Variants in AKT3 observed in about 807,000 individuals in gnomAD.
The protein encoded by AKT3 is RAC-gamma serine/threonine-protein kinase.
Under a neutral mutation model 65.3 loss-of-function variants are expected in AKT3, and 15 were observed. The ratio of observed to expected loss-of-function variants is 0.23; its 90% CI spans 0.15 to 0.35. The LOEUF (loss-of-function observed/expected upper bound fraction) is 0.35, where lower values mean the gene tolerates loss of function less well. Ranked by LOEUF, AKT3 falls within the 10% of genes least tolerant of loss-of-function variation. The probability of loss-of-function intolerance (pLI) is 1.00; values close to 1 mark genes in which losing one functional copy is unlikely to be tolerated. For missense variants in AKT3, 243 were observed against 576.5 expected (o/e 0.42, Z 5.92); for synonymous variants, 206 against 183.8 (o/e 1.12, Z -0.98).
intron 3 of AKT3, among the ~76,000 whole-genome samples, chr1:243,673,914 A>G (rs1041249228): frequency 7.2e-5 from 11 of 152,290 alleles, no homozygotes; most frequent in African/African-American, 2.6e-4. Flanking sequence ...TGCCCGGTCT[A>G]TTTTTAAGAA....
chr1:243,567,373 TCA>T (rs199577874), intron 9 of AKT3, among the ~76,000 whole-genome samples: 1,634 of 152,002 alleles, frequency 0.011, 35 homozygotes, highest in African/African-American at 0.038. Flanking sequence ...AGTGGCACAA[TCA>T]CAGCTCACTG....
intron 8 of AKT3, among the ~76,000 whole-genome samples, chr1:243,589,122 A>T (rs1044966994): frequency 1.3e-5 from 2 of 152,152 alleles, no homozygotes; most frequent in East Asian, 3.9e-4. Context: ...CCTGACCAAC[A>T]TGGTGAAACC....
chr1:243,726,010 T>C (rs563659893), intron 2 of AKT3, among the ~76,000 whole-genome samples: 3 of 152,322 alleles, frequency 2.0e-5, no homozygotes, highest in Non-Finnish European at 2.9e-5. Flanking sequence ...AAAGGCCTAG[T>C]GCAGGCAGCT....
chr1:243,825,124 C>G (rs779495580), intron 2 of AKT3, among the ~76,000 whole-genome samples: 1 of 152,120 alleles, frequency 6.6e-6, no homozygotes, highest in Non-Finnish European at 1.5e-5. Flanking sequence ...GAGCTGGAAG[C>G]CATTATCCTC....
At chr1:243,633,747 A>G (rs777428303) in intron 6 of AKT3, among the ~76,000 whole-genome samples, 9 of 152,124 alleles carry the variant, frequency 5.9e-5, no homozygotes, top group Non-Finnish European at 1.3e-4. Context: ...AGGCATATAG[A>G]AAATAAATAG....
chr1:243,735,674 G>A (rs1687801556), intron 2 of AKT3: 1 of 152,246 alleles, frequency 6.6e-6, no homozygotes, highest in Non-Finnish European at 1.5e-5. Context: ...TCTCATAGTT[G>A]ATATGAGTTG....
At chr1:243,786,682 G>C (rs935451560) in intron 2 of AKT3, among the ~76,000 whole-genome samples, 1 of 152,030 alleles carries the variant, frequency 6.6e-6, no homozygotes, top group Non-Finnish European at 1.5e-5. Flanking sequence ...TTAAAAGCAC[G>C]GGGTGGGGGG....
Position 243,721,227 on chromosome 1 carries a change from C to T in AKT3, c.47-25511G>A, listed in dbSNP as rs947655227. On this transcript the variant is annotated intron_variant, in intron 2 of 13. Transcript: ENST00000673466. The stretch of plus-strand genomic sequence containing the variant: ...TCTGTCTAGAAATTCTCTGACCTAC[C>T]CTTGTCCCAATAATATAGGTCATAA... Among the ~76,000 whole-genome samples the T allele has an allele frequency of 9.9e-5, 15 of 152,118 alleles. 1 individual carries two copies. The highest frequency in any genetic ancestry group is 3.6e-4 in the African/African-American group (15 of 41,424).
chr1:243,667,959 C>A (rs1026636374), intron 3 of AKT3, among the ~76,000 whole-genome samples: 1 of 152,166 alleles, frequency 6.6e-6, no homozygotes, highest in Non-Finnish European at 1.5e-5. Flanking sequence ...CTCTCTTAGA[C>A]ATCCTATTTA....
intron 2 of AKT3, among the ~76,000 whole-genome samples, chr1:243,817,054 C>G (rs1303218202): frequency 6.6e-6 from 1 of 152,174 alleles, no homozygotes; most frequent in Non-Finnish European, 1.5e-5. Context: ...GTAACATGCT[C>G]TAAAGTAATC....
intron 3 of AKT3, among the ~76,000 whole-genome samples, chr1:243,680,818 T>G (rs1197331379): frequency 2.6e-5 from 4 of 152,170 alleles, no homozygotes; most frequent in Non-Finnish European, 5.9e-5. Flanking sequence ...AATCTTCACA[T>G]ACTAGTGAAT....
At chr1:243,626,119 G>A (rs140072381) in intron 6 of AKT3, among the ~76,000 whole-genome samples, 10 of 152,236 alleles carry the variant, frequency 6.6e-5, no homozygotes, top group East Asian at 1.9e-4. Flanking sequence ...AAGGGGCCCC[G>A]CTAGGCAGGC....
At chr1:243,669,360 A>ATTTCTCT (rs1683018607) in intron 3 of AKT3, among the ~76,000 whole-genome samples, 1 of 152,218 alleles carries the variant, frequency 6.6e-6, no homozygotes, top group Non-Finnish European at 1.5e-5. Context: ...GGCGTGCCCA[A>ATTTCTCT]GAGAAATACT....
rs146675804 is a variant in AKT3, at chr1:243,743,013, T to C, written c.47-47297A>G. On this transcript the variant is annotated intron_variant, in intron 2 of 13. Coordinates refer to ENST00000673466, the MANE Select transcript of AKT3 (RefSeq NM_005465.7). ...AGGTCAGAAGGAGGTAGCTCTTAAC[T>C]GACTCAGGCCAAAGTGACACATACT... is the stretch of plus-strand genomic sequence containing the variant. Among the ~76,000 whole-genome samples, 342 of 152,334 alleles carry C rather than the reference T, an allele frequency of 2.2e-3. 1 individual carries two copies. The highest frequency in any genetic ancestry group is 8.0e-3 in the African/African-American group (333 of 41,566).
chr1:243,648,539 T>C (rs1413910679), intron 4 of AKT3, among the ~76,000 whole-genome samples: 3 of 152,180 alleles, frequency 2.0e-5, no homozygotes, highest in African/African-American at 7.2e-5. Context: ...AGTTGTCTTT[T>C]CTTAAAATAG....
At chr1:243,723,316 AAG>A (rs1383622145) in intron 2 of AKT3, among the ~76,000 whole-genome samples, 1 of 152,154 alleles carries the variant, frequency 6.6e-6, no homozygotes, top group Non-Finnish European at 1.5e-5. Flanking sequence ...AAAAAGAAGA[AAG>A]AAAGAGCCAT....
At chr1:243,819,714 C>G (rs1336217683) in intron 2 of AKT3, among the ~76,000 whole-genome samples, 1 of 152,152 alleles carries the variant, frequency 6.6e-6, no homozygotes, top group Non-Finnish European at 1.5e-5. Context: ...CAACAGGGGT[C>G]GCCAGACACC....
downstream of AKT3, among the ~76,000 whole-genome samples, chr1:243,497,337 TG>T (rs373624566): frequency 0.044 from 1,537 of 35,310 alleles, 29 homozygotes; most frequent in African/African-American, 0.088. Context: ...TAGGCACGGG[TG>T]GGGGGGGGGG....
chr1:243,663,612 T>C (rs746237299), intron 4 of AKT3, among the ~76,000 whole-genome samples: 2 of 152,208 alleles, frequency 1.3e-5, no homozygotes, highest in Non-Finnish European at 1.5e-5. Context: ...CTCTTTTCTA[T>C]ATTTCTTAAT....
Sources: gnomAD v4.1 joint callset for allele counts (sites outside exome capture counted in the v4.1 genomes callset) on GRCh38, gnomAD v4.1.1 for gene constraint, MANE v1.5 for transcripts, NCBI Gene and HGNC (gene_info 2026-07-23, HGNC 2026-07-21) for gene names.